Variants in NLGN4X observed in about 807,000 individuals in gnomAD.
NLGN4X encodes the protein neuroligin 4 X-linked.
In NLGN4X, 3 loss-of-function variants were observed where a neutral mutation model predicts 40.3. The observed-to-expected ratio is 0.07, with a 90% CI of 0.03 to 0.19. The LOEUF (loss-of-function observed/expected upper bound fraction) is 0.19. NLGN4X is among the 10% of genes least tolerant of loss of function. The pLI is 1.00. For synonymous variants in NLGN4X, 270 were observed against 306.8 expected (o/e 0.88, Z 1.25); for missense variants, 382 against 708.3 (o/e 0.54, Z 5.23).
At chrX:6,188,872 A>T (rs1208561088) in intron 1 of NLGN4X, among the ~76,000 whole-genome samples, 1 of 112,507 alleles carries the variant, frequency 8.9e-6, no homozygotes, top group Non-Finnish European at 1.9e-5. Flanking sequence ...ATGAAAATCC[A>T]TTGCAAAGAA....
chrX:5,986,155 A>G (rs1055075032), intron 3 of NLGN4X, among the ~76,000 whole-genome samples: 3 of 112,216 alleles, frequency 2.7e-5, no homozygotes, highest in Non-Finnish European at 3.8e-5. Context: ...GAGATATTAG[A>G]CATATAGCAC....
chrX:6,095,378 A>G (rs1012399433), intron 2 of NLGN4X, among the ~76,000 whole-genome samples: 3 of 111,917 alleles, frequency 2.7e-5, no homozygotes, highest in African/African-American at 9.8e-5. Context: ...TGTAAAACTC[A>G]TAAGCTGCAC....
intron 3 of NLGN4X, among the ~76,000 whole-genome samples, chrX:5,909,670 C>T (rs2032387097): frequency 9.2e-6 from 1 of 108,898 alleles, no homozygotes; most frequent in Non-Finnish European, 1.9e-5. Flanking sequence ...GGCGTAAGTG[C>T]ACATGTGTGT....
At chrX:6,048,025 T>C (rs1009662841) in intron 2 of NLGN4X, among the ~76,000 whole-genome samples, 1 of 111,687 alleles carries the variant, frequency 9.0e-6, no homozygotes, top group Non-Finnish European at 1.9e-5. Flanking sequence ...TCTTGGTTCG[T>C]GGTCCCATGA....
chrX:5,994,329 T>G (rs755586704), intron 3 of NLGN4X, among the ~76,000 whole-genome samples: 11 of 111,795 alleles, frequency 9.8e-5, no homozygotes, highest in Non-Finnish European at 2.1e-4. Flanking sequence ...CAGTATGTAC[T>G]TTACTAGAAC....
intron 5 of NLGN4X, 75 bp downstream of exon 5, chrX:5,903,002 G>A: frequency 8.8e-7 from 1 of 1,137,999 alleles, no homozygotes; most frequent in South Asian, 1.8e-5. Context: ...GCACGTGGCA[G>A]TAGAAGCAAC....
Position 6,102,710 on chromosome X carries a change from T to C in NLGN4X, c.472+48285A>G, listed in dbSNP as rs1249565760. ...TACATAGATGCATAGAGATGATAGA[T>C]ACATATAGATAAGATAGATCGATAT... On this transcript the variant is annotated intron_variant, in intron 2 of 5. Transcript: ENST00000381095. 1.5e-4 allele frequency among the ~76,000 whole-genome samples: 17 copies of C among 110,723 alleles called. No homozygotes were observed. The Admixed American group carries it at 1.6e-3, about 11-fold the overall frequency.
intron 2 of NLGN4X, among the ~76,000 whole-genome samples, chrX:6,107,233 G>A (rs751276192): frequency 8.9e-6 from 1 of 111,927 alleles, no homozygotes; most frequent in East Asian, 2.8e-4. Context: ...GATCTGCTCT[G>A]CCTAGACTTC....
At chrX:6,101,432 G>C (rs1432614324) in intron 2 of NLGN4X, among the ~76,000 whole-genome samples, 1 of 112,166 alleles carries the variant, frequency 8.9e-6, no homozygotes, top group Non-Finnish European at 1.9e-5. Context: ...TCCATCAACA[G>C]GTGAATGGAT....
intron 1 of NLGN4X, among the ~76,000 whole-genome samples, chrX:6,181,333 A>C (rs1921429910): frequency 1.8e-5 from 2 of 111,873 alleles, no homozygotes; most frequent in South Asian, 7.5e-4. Flanking sequence ...TAAAAGTGAT[A>C]GACTAAAAGG....
At chrX:5,946,290 C>A (rs924656881) in intron 3 of NLGN4X, among the ~76,000 whole-genome samples, 1 of 111,726 alleles carries the variant, frequency 9.0e-6, no homozygotes, top group African/African-American at 3.3e-5. Flanking sequence ...GCAAAAACGT[C>A]CATACTTGAG....
Position 6,008,349 on chromosome X carries a change from C to A in NLGN4X, c.625+20931G>T, listed in dbSNP as rs755802176. On this transcript the variant is annotated intron_variant, in intron 3 of 5. Coordinates refer to ENST00000381095, the MANE Select transcript of NLGN4X (RefSeq NM_181332.3). ...AAAAATAGATAAACATAACAGAATG[C>A]GGTCTATCATACAATGGAATAGTAT... Among the ~76,000 whole-genome samples, 5 of 111,766 alleles carry A rather than the reference C, an allele frequency of 4.5e-5. No homozygotes were observed. In the East Asian group the frequency reaches 1.4e-3, roughly 32 times the overall value.
intron 4 of NLGN4X, among the ~76,000 whole-genome samples, chrX:5,908,578 T>C (rs1172640901): frequency 8.9e-6 from 1 of 111,801 alleles, no homozygotes; most frequent in African/African-American, 3.3e-5. Flanking sequence ...CCAATCATTG[T>C]AACCAACACC....
chrX:5,926,637 TACAGA>T, intron 3 of NLGN4X, among the ~76,000 whole-genome samples: 1 of 110,722 alleles, frequency 9.0e-6, no homozygotes, highest in Non-Finnish European at 1.9e-5. Flanking sequence ...CAAATATTCT[TACAGA>T]TGTTCTAATT....
chrX:6,162,974 C>T, intron 1 of NLGN4X, among the ~76,000 whole-genome samples: 1 of 111,671 alleles, frequency 9.0e-6, no homozygotes, highest in Non-Finnish European at 1.9e-5. Context: ...TGGGAGATAA[C>T]TGAATCAAGA....
chrX:6,060,962 C>T lies in NLGN4X; in HGVS notation c.473-31530G>A, dbSNP rs1483311049. Among the ~76,000 whole-genome samples, 4 of 111,699 alleles carry T rather than the reference C, an allele frequency of 3.6e-5. No homozygotes were observed. The East Asian group carries it at 1.1e-3, about 31-fold the overall frequency. On this transcript the variant is annotated intron_variant, in intron 2 of 5. Transcript: ENST00000381095. ...AGGGGACAAATACACACTTGCAAGA[C>T]TTTCCCTGTCCCTAACTCGAAAGAA...
At position 5,927,006 on chromosome X, in the gene NLGN4X, C is replaced by T. The variant is rs747644655; in HGVS notation, c.626-17767G>A. The stretch of plus-strand genomic sequence containing the variant: ...TGTTTCACAGGTTTGCTCTCTACTC[C>T]GGGCCCCAGAGTGCTAAGAGGATAC... On this transcript the variant is annotated intron_variant, in intron 3 of 5. Transcript: ENST00000381095. Among the ~76,000 whole-genome samples, 35 of 108,921 alleles carry T rather than the reference C, an allele frequency of 3.2e-4. 1 individual carries two copies. Among genetic ancestry groups the T allele is most frequent in the African/African-American group, 1.1e-3 (34 of 29,768 alleles). 94.6% of individuals were successfully genotyped at this position (108,921 alleles called of 115,157 possible).
At chrX:6,145,384 G>A (rs938346650) in intron 2 of NLGN4X, among the ~76,000 whole-genome samples, 4 of 112,248 alleles carry the variant, frequency 3.6e-5, no homozygotes, top group Non-Finnish European at 7.5e-5. Flanking sequence ...TGATGTCCTT[G>A]GATTCAATGC....
In NLGN4X at chrX:5,965,140, C is replaced by T. The variant is rs140827346; in HGVS notation, c.626-55901G>A. The stretch of plus-strand genomic sequence containing the variant: ...ATTAAATTGAATGGCTTATCAAAAG[C>T]AGAAAGAGCACCAAAACCTGTCATA... On this transcript the variant is annotated intron_variant, in intron 3 of 5. Coordinates refer to ENST00000381095, the MANE Select transcript of NLGN4X (RefSeq NM_181332.3). Among the ~76,000 whole-genome samples the T allele has an allele frequency of 8.7e-3, 971 of 111,754 alleles. 34 individuals carry two copies. The highest frequency in any genetic ancestry group is 0.086 in the Admixed American group (901 of 10,481).
Sources: gnomAD v4.1 joint callset for allele counts (sites outside exome capture counted in the v4.1 genomes callset) on GRCh38, gnomAD v4.1.1 for gene constraint, MANE v1.5 for transcripts, NCBI Gene and HGNC (gene_info 2026-07-23, HGNC 2026-07-21) for gene names.